The following NECAB1 variants were observed in gnomAD, a reference collection of about 807,000 sequenced individuals.
NECAB1 encodes N-terminal EF-hand calcium binding protein 1.
A neutral mutation model predicts 57.5 loss-of-function variants in NECAB1; 29 were observed. The observed-to-expected ratio is 0.50, with a 90% CI of 0.38 to 0.69. The LOEUF (loss-of-function observed/expected upper bound fraction) is 0.69, where lower values mean the gene tolerates loss of function less well. Among genes scored for constraint, NECAB1 ranks in the 30% least tolerant of loss-of-function variants. The probability of loss-of-function intolerance (pLI) is 0.00; values close to 1 mark genes in which losing one functional copy is unlikely to be tolerated. For synonymous variants in NECAB1, 142 were observed against 147.7 expected (o/e 0.96, Z 0.28); for missense variants, 372 against 413.8 (o/e 0.90, Z 0.88).
chr8:90,882,947 A>C (rs1255796749), intron 5 of NECAB1, among the ~76,000 whole-genome samples: 1 of 152,216 alleles, frequency 6.6e-6, no homozygotes, highest in African/African-American at 2.4e-5. Flanking sequence ...CAAAAGCTAA[A>C]TACTTTTGCT....
intron 10 of NECAB1, among the ~76,000 whole-genome samples, chr8:90,941,655 C>G (rs926265294): frequency 1.3e-5 from 2 of 152,096 alleles, no homozygotes; most frequent in Non-Finnish European, 2.9e-5. Context: ...ACTGACAGAC[C>G]CAGGAATCCA....
chr8:90,823,276 G>A (rs1328955539), intron 2 of NECAB1, among the ~76,000 whole-genome samples: 2 of 151,726 alleles, frequency 1.3e-5, no homozygotes, highest in Non-Finnish European at 2.9e-5. Flanking sequence ...TTAAACGTTA[G>A]CAAAAATTAA....
chr8:90,944,426 G>A (rs1318191163), intron 10 of NECAB1, among the ~76,000 whole-genome samples: 1 of 152,188 alleles, frequency 6.6e-6, no homozygotes, highest in Admixed American at 6.5e-5. Flanking sequence ...AGCAGATTAT[G>A]TGGACTCATG....
At chr8:90,857,799 T>C (rs754880067) in intron 3 of NECAB1, among the ~76,000 whole-genome samples, 15 of 152,180 alleles carry the variant, frequency 9.9e-5, no homozygotes, top group Non-Finnish European at 1.9e-4. Flanking sequence ...CAGGAGAATT[T>C]ACAATAATTA....
chr8:90,834,879 A>G (rs1271766268), intron 3 of NECAB1, among the ~76,000 whole-genome samples: 1 of 151,886 alleles, frequency 6.6e-6, no homozygotes, highest in African/African-American at 2.4e-5. Flanking sequence ...TCCTTATACT[A>G]TCCCCCATAA....
At chr8:90,899,893 T>C (rs1350416056) in intron 5 of NECAB1, among the ~76,000 whole-genome samples, 3 of 152,132 alleles carry the variant, frequency 2.0e-5, no homozygotes, top group African/African-American at 7.2e-5. Context: ...ATTTTCAGAA[T>C]ATTCTGGGAC....
chr8:90,852,792 A>C (rs2129782041), intron 3 of NECAB1, among the ~76,000 whole-genome samples: 1 of 152,162 alleles, frequency 6.6e-6, no homozygotes, highest in East Asian at 1.9e-4. Context: ...TCCCCTTCCC[A>C]CTGAGAGCCA....
At chr8:90,889,828 T>C (rs1049499803) in intron 5 of NECAB1, among the ~76,000 whole-genome samples, 2 of 152,368 alleles carry the variant, frequency 1.3e-5, no homozygotes, top group Middle Eastern at 3.4e-3. Context: ...GCAGATCACT[T>C]CTGCCATGTT....
intron 8 of NECAB1, among the ~76,000 whole-genome samples, chr8:90,929,992 C>T (rs1810368522): frequency 1.3e-5 from 2 of 152,100 alleles, no homozygotes; most frequent in Admixed American, 6.6e-5. Flanking sequence ...TTGGAAACAA[C>T]AGAAGGCATT....
At chr8:90,907,151 T>TGTGAGAGA (rs1341940094) in intron 5 of NECAB1, among the ~76,000 whole-genome samples, 4 of 102,042 alleles carry the variant, frequency 3.9e-5, no homozygotes, top group Admixed American at 2.2e-4. Context: ...TGTGTGTGTG[T>TGTGAGAGA]GAGAGAGAGA....
chr8:90,910,683 G>T (rs534077497), intron 5 of NECAB1, among the ~76,000 whole-genome samples: 2 of 152,242 alleles, frequency 1.3e-5, no homozygotes, highest in Non-Finnish European at 2.9e-5. Flanking sequence ...GTTCACAGGG[G>T]CTACACAGTT....
intron 9 of NECAB1, among the ~76,000 whole-genome samples, chr8:90,938,244 T>C (rs1256536174): frequency 6.6e-6 from 1 of 152,196 alleles, no homozygotes; most frequent in Non-Finnish European, 1.5e-5. Context: ...ACATTCCAAA[T>C]ATCCAGCCAT....
At chr8:90,951,297 TATCA>T in intron 12 of NECAB1, 93 bp downstream of exon 12, 3 of 672,792 alleles carry the variant, frequency 4.5e-6, no homozygotes, top group Non-Finnish European at 7.6e-6. Context: ...TTCTATATTT[TATCA>T]ATGGTACTCT....
chr8:90,880,946 T>C lies in NECAB1; in HGVS notation c.260-87T>C, dbSNP rs1480243387. On this transcript the variant is annotated intron_variant, in intron 4 of 12. Coordinates refer to ENST00000417640, the MANE Select transcript of NECAB1 (RefSeq NM_022351.5). Reference sequence around the variant, plus strand: ...TATAGCTGACATTTTGTTTTACTCATTTAAGGAGTAAATAATTAGTTGATT... The same window carrying C: ...TATAGCTGACATTTTGTTTTACTCACTTAAGGAGTAAATAATTAGTTGATT... 3 of 931,218 alleles carry C rather than the reference T, an allele frequency of 3.2e-6. No homozygotes were observed. In the African/African-American group the frequency reaches 5.0e-5, roughly 16 times the overall value. 57.7% of individuals were successfully genotyped at this position (931,218 alleles called of 1,614,324 possible). A position where few individuals can be genotyped will look rare whatever the true frequency, so the allele number is the denominator to read the frequency against.
intron 8 of NECAB1, 58 bp downstream of exon 8, chr8:90,928,357 A>T (rs994721444): frequency 7.6e-7 from 1 of 1,317,756 alleles, no homozygotes; most frequent in South Asian, 1.3e-5. Flanking sequence ...GTTACCTAAT[A>T]TTCCCCATTG....
rs1259541113 is a variant in NECAB1 at position 90,940,800 on chromosome 8, G to A, written c.762G>A (p.Val254=). Residue 254 remains valine (V), a synonymous_variant, in exon 10 of 13, where the codon GTG becomes GTA. Transcript: ENST00000417640. Reference sequence around the variant, plus strand: ...TTCCTTGGCAGCACATCATGCTTGTGCAGCGGCAGATGTCTGTGATAGAAG... The same window carrying A: ...TTCCTTGGCAGCACATCATGCTTGTACAGCGGCAGATGTCTGTGATAGAAG... ...EGNTKSHIML[V]QRQMSVIEED... The A allele has an allele frequency of 1.9e-6, 3 of 1,560,622 alleles. No individual in the cohort carries two copies. The highest frequency in any genetic ancestry group is 1.2e-5 in the South Asian group (1 of 84,532).
At chr8:90,847,158 T>C (rs1484930039) in intron 3 of NECAB1, among the ~76,000 whole-genome samples, 1 of 152,088 alleles carries the variant, frequency 6.6e-6, no homozygotes, top group African/African-American at 2.4e-5. Flanking sequence ...AAAATGGGGG[T>C]ACAGGCATTG....
intron 10 of NECAB1, among the ~76,000 whole-genome samples, chr8:90,947,050 T>C (rs1290196202): frequency 6.6e-6 from 1 of 152,128 alleles, no homozygotes; most frequent in Non-Finnish European, 1.5e-5. Flanking sequence ...AATTAGACCC[T>C]GGAACAGAGC....
At chr8:90,922,182 C>T (rs1810131340) in intron 6 of NECAB1, among the ~76,000 whole-genome samples, 1 of 152,230 alleles carries the variant, frequency 6.6e-6, no homozygotes, top group South Asian at 2.1e-4. Flanking sequence ...CTCTCTTCCT[C>T]ACAAACTAAA....
Sources: gnomAD v4.1 joint callset for allele counts (sites outside exome capture counted in the v4.1 genomes callset) on GRCh38, gnomAD v4.1.1 for gene constraint, MANE v1.5 for transcripts, NCBI Gene and HGNC (gene_info 2026-07-23, HGNC 2026-07-21) for gene names.